The following CFAP221 variants were observed in gnomAD, a reference collection of about 807,000 sequenced individuals.
CFAP221 encodes the protein cilia- and flagella-associated protein 221.
In CFAP221, 97 loss-of-function variants were observed where a neutral mutation model predicts 113.1. The ratio of observed to expected loss-of-function variants is 0.86; its 90% CI spans 0.73 to 1.02. CFAP221 has a LOEUF of 1.02. Ranked by LOEUF, CFAP221 falls within the 50% of genes least tolerant of loss-of-function variation. CFAP221 has a pLI of 0.00. For synonymous variants in CFAP221, 331 were observed against 354.4 expected, an observed-to-expected ratio of 0.93 and a Z score of 0.74; for missense variants, 1,025 against 1,013.4, an observed-to-expected ratio of 1.01 and a Z score of -0.16.
chr2:119,652,076 G>T lies in CFAP221; in HGVS notation c.2414+7G>T, dbSNP rs565459228. The T allele has an allele frequency of 6.2e-7, 1 of 1,601,896 alleles. No homozygotes were observed. Among genetic ancestry groups the T allele is most frequent in the East Asian group, 2.2e-5 (1 of 44,714 alleles). ...AGGACATCAGGAAGGAGAAGTAAGT[G>T]GATGCTTTTATGCCTTATTAAAAGG... is the stretch of plus-strand genomic sequence containing the variant. On this transcript the variant is annotated splice_region_variant and intron_variant, in intron 23 of 23. Transcript: ENST00000413369.
intron 3 of CFAP221, among the ~76,000 whole-genome samples, chr2:119,557,766 C>A (rs907900983): frequency 6.6e-6 from 1 of 151,984 alleles, no homozygotes; most frequent in East Asian, 1.9e-4. Context: ...TTTGGGAGTC[C>A]GAGGTGGGTG....
At chr2:119,656,762 G>A (rs1056733201), downstream of CFAP221, 9 of 219,510 alleles carry the variant, frequency 4.1e-5, no homozygotes, top group African/African-American at 1.6e-4. Flanking sequence ...GTTTCTGGGG[G>A]TCTTTTGGAG....
In CFAP221 at chr2:119,549,501, G is replaced by C. The variant is rs536587788; in HGVS notation, c.240+316G>C. On this transcript the variant is annotated intron_variant, in intron 3 of 23. Transcript: ENST00000413369. The stretch of plus-strand genomic sequence containing the variant: ...TCCTTATGCTAGCTCTGTGGAGGCT[G>C]CATTATTCCTCTCATTATATATATA... Among the ~76,000 whole-genome samples the C allele has an allele frequency of 5.3e-5, 8 of 152,308 alleles. No individual in the cohort carries two copies. In the South Asian group the frequency reaches 1.5e-3, roughly 28 times the overall value.
intron 23 of CFAP221, among the ~76,000 whole-genome samples, chr2:119,653,504 T>C (rs187652628): frequency 1.3e-5 from 2 of 152,338 alleles, no homozygotes; most frequent in East Asian, 3.9e-4. Flanking sequence ...CTTATAAATA[T>C]ACATATGAAT....
chr2:119,609,267 T>A (rs1438511471), intron 12 of CFAP221, among the ~76,000 whole-genome samples: 3 of 151,908 alleles, frequency 2.0e-5, no homozygotes, highest in African/African-American at 7.2e-5. Flanking sequence ...GAGACAGGAG[T>A]CTGCTGGGGC....
At chr2:119,636,164 A>G (rs568280576) in intron 19 of CFAP221, among the ~76,000 whole-genome samples, 1 of 152,334 alleles carries the variant, frequency 6.6e-6, no homozygotes, top group South Asian at 2.1e-4. Context: ...CCGTAATCCA[A>G]GCCTCTACTT....
chr2:119,551,132 C>T (rs1372055889), intron 3 of CFAP221, among the ~76,000 whole-genome samples: 2 of 152,212 alleles, frequency 1.3e-5, no homozygotes, highest in Non-Finnish European at 2.9e-5. Flanking sequence ...GGATAGATCA[C>T]ATTTGGTTTA....
Position 119,638,311 on chromosome 2 carries a change from C to G in CFAP221, c.2027C>G (p.Thr676Arg). ...ATGCATCCTCTGACCTATGCAGAAA[C>G]GTTGATAGATTACCATCTATGCTCT... ...AVMHPLTYAE[T>R]LIDYHLCSHP... The change falls in exon 20 of 24, where the codon ACG becomes AGG. Residue 676 changes from threonine to arginine, a missense_variant. Transcript: ENST00000413369. 1 of 1,614,032 alleles carries G rather than the reference C, an allele frequency of 6.2e-7. No homozygotes were observed. The highest frequency in any genetic ancestry group is 1.3e-5 in the African/African-American group (1 of 75,046).
In CFAP221 at chr2:119,631,097, G is replaced by A. The variant is rs1686745110; in HGVS notation, c.1974+196G>A. 4 of 1,244,268 alleles carry A rather than the reference G, an allele frequency of 3.2e-6. No individual in the cohort carries two copies. In the African/African-American group the frequency reaches 4.6e-5, roughly 14 times the overall value. 77.1% of individuals were successfully genotyped at this position (1,244,268 alleles called of 1,614,324 possible). ...GTGATTCCGTCTTTTAGCAATTCCTGCATTTTTAATGAAAATAATTTTATG... is the reference window on the plus strand; with the variant it reads ...GTGATTCCGTCTTTTAGCAATTCCTACATTTTTAATGAAAATAATTTTATG... On this transcript the variant is annotated intron_variant, in intron 19 of 23. Transcript: ENST00000413369.
At chr2:119,553,753 A>G (rs1031876306) in intron 3 of CFAP221, among the ~76,000 whole-genome samples, 1 of 152,184 alleles carries the variant, frequency 6.6e-6, no homozygotes, top group Non-Finnish European at 1.5e-5. Flanking sequence ...ATTGAAAAAG[A>G]TATGAAGCCT....
At chr2:119,560,068 T>C in intron 5 of CFAP221, 42 bp downstream of exon 5, 1 of 1,200,562 alleles carries the variant, frequency 8.3e-7, no homozygotes, top group Non-Finnish European at 1.1e-6. Flanking sequence ...TTTTTTTTGA[T>C]GGTGGGTTAA....
chr2:119,567,613 T>C (rs985490435), intron 6 of CFAP221, among the ~76,000 whole-genome samples: 3 of 152,208 alleles, frequency 2.0e-5, no homozygotes, highest in African/African-American at 7.2e-5. Flanking sequence ...GATGTAAGTT[T>C]TCAATTCCTT....
intron 6 of CFAP221, among the ~76,000 whole-genome samples, chr2:119,579,018 CAT>C (rs1467683760): frequency 6.6e-6 from 1 of 152,058 alleles, no homozygotes; most frequent in Non-Finnish European, 1.5e-5. Context: ...AAAATTTCCA[CAT>C]GATTGTAATA....
intron 6 of CFAP221, among the ~76,000 whole-genome samples, chr2:119,578,893 A>G (rs1385342276): frequency 2.0e-5 from 3 of 152,194 alleles, no homozygotes; most frequent in Non-Finnish European, 4.4e-5. Flanking sequence ...ATGTTAAAGT[A>G]AGTTCAAGAT....
chr2:119,561,972 G>C, intron 5 of CFAP221, 42 bp from the exon 6 acceptor site: 1 of 1,286,268 alleles, frequency 7.8e-7, no homozygotes, highest in South Asian at 1.3e-5. Context: ...AAAAGTTGTA[G>C]TCTTCAGAAT....
At chr2:119,629,718 C>G (rs537447361) in intron 16 of CFAP221, among the ~76,000 whole-genome samples, 157 bp from the exon 17 acceptor site, 8 of 152,324 alleles carry the variant, frequency 5.3e-5, no homozygotes, top group African/African-American at 1.7e-4. Flanking sequence ...TCAGGGCTGC[C>G]TTCCTGCCCT....
intron 6 of CFAP221, among the ~76,000 whole-genome samples, chr2:119,583,914 C>T (rs1400850728): frequency 6.6e-6 from 1 of 152,206 alleles, no homozygotes; most frequent in Middle Eastern, 3.2e-3. Flanking sequence ...GCACCTTGAT[C>T]TTGGACTTCC....
intron 6 of CFAP221, among the ~76,000 whole-genome samples, chr2:119,564,256 T>G (rs1003186934): frequency 6.6e-6 from 1 of 152,108 alleles, no homozygotes; most frequent in Non-Finnish European, 1.5e-5. Context: ...ACTCCAAAGT[T>G]TAGATCTGGA....
At chr2:119,551,544 C>T (rs1284558393) in intron 3 of CFAP221, among the ~76,000 whole-genome samples, 1 of 152,152 alleles carries the variant, frequency 6.6e-6, no homozygotes, top group African/African-American at 2.4e-5. Context: ...TCTTGGCCCT[C>T]TTGCTGAAAA....
Sources: allele counts gnomAD v4.1 joint callset (sites outside exome capture counted in the v4.1 genomes callset), GRCh38; gene constraint gnomAD v4.1.1; transcripts MANE v1.5; gene names NCBI Gene and HGNC (gene_info 2026-07-23, HGNC 2026-07-21).